FAT4: variants seen among roughly 807,000 people sequenced by gnomAD.
The protein encoded by FAT4 is protocadherin Fat 4.
A neutral mutation model predicts 303.9 loss-of-function variants in FAT4; 84 were observed. That is an observed-to-expected ratio of 0.28 (90% CI 0.23 to 0.33). FAT4 has a LOEUF of 0.33. Ranked by LOEUF, FAT4 falls within the 10% of genes least tolerant of loss-of-function variation. The probability of loss-of-function intolerance (pLI) is 1.00; values close to 1 mark genes in which losing one functional copy is unlikely to be tolerated. For missense variants in FAT4, 6,005 were observed against 6,146.8 expected (o/e 0.98, Z 0.77); for synonymous variants, 2,307 against 2,298.8 (o/e 1.00, Z -0.10).
intron 2 of FAT4, among the ~76,000 whole-genome samples, chr4:125,363,258 G>C (rs1472036651): frequency 6.6e-6 from 1 of 151,476 alleles, no homozygotes; most frequent in Non-Finnish European, 1.5e-5. Context: ...AATGAAATTG[G>C]GTGCTTATAT....
chr4:125,456,258 C>T lies in FAT4; in HGVS notation c.11800+3448C>T, dbSNP rs116746283. The stretch of plus-strand genomic sequence containing the variant: ...TGTTTTACACTGTAGGAAATTGAGC[C>T]TACAGTCTGGTGACTCCAGGGCCAG... On this transcript the variant is annotated intron_variant, in intron 10 of 17. Transcript: ENST00000394329. Among the ~76,000 whole-genome samples the T allele has an allele frequency of 7.0e-3, 1,070 of 152,178 alleles. 10 individuals carry two copies. The highest frequency in any genetic ancestry group is 0.023 in the African/African-American group (936 of 41,524).
chr4:125,325,287 CA>C (rs1731109900), intron 2 of FAT4, among the ~76,000 whole-genome samples: 1 of 151,964 alleles, frequency 6.6e-6, no homozygotes, highest in Admixed American at 6.6e-5. Context: ...TTGATCATTT[CA>C]AAATTATTGG....
intron 2 of FAT4, among the ~76,000 whole-genome samples, chr4:125,392,562 T>C (rs1436307193): frequency 6.6e-6 from 1 of 152,200 alleles, no homozygotes; most frequent in Non-Finnish European, 1.5e-5. Context: ...CTTTCACTGA[T>C]ATTTACAGAG....
chr4:125,325,334 A>G (rs1013724762), intron 2 of FAT4, among the ~76,000 whole-genome samples: 1 of 152,168 alleles, frequency 6.6e-6, no homozygotes, highest in Non-Finnish European at 1.5e-5. Context: ...AAAGTCTTTA[A>G]TATATGACTC....
rs75310615 is a variant in FAT4, at chr4:125,404,755, C to T, written c.5308-2125C>T. Among the ~76,000 whole-genome samples the T allele has an allele frequency of 9.9e-3, 1,510 of 152,130 alleles. 11 individuals carry two copies. The highest frequency in any genetic ancestry group is 0.017 in the Middle Eastern group (5 of 294). On this transcript the variant is annotated intron_variant, in intron 3 of 17. Transcript: ENST00000394329. ...CTCCCTACTGTCTGTCCTGGAAAACCACCATTCTACTCCCTGCTTCTATGT... is the reference window on the plus strand; with the variant it reads ...CTCCCTACTGTCTGTCCTGGAAAACTACCATTCTACTCCCTGCTTCTATGT...
At chr4:125,419,442 C>T (rs1250324339) in intron 7 of FAT4, among the ~76,000 whole-genome samples, 1 of 152,180 alleles carries the variant, frequency 6.6e-6, no homozygotes, top group Non-Finnish European at 1.5e-5. Flanking sequence ...CTTTTCTTTA[C>T]CTCCAAAACG....
chr4:125,376,179 G>A lies in FAT4; in HGVS notation c.5176-22605G>A, dbSNP rs151157885. Among the ~76,000 whole-genome samples, 212 of 152,282 alleles carry A rather than the reference G, an allele frequency of 1.4e-3. 2 individuals are homozygous for A. Among genetic ancestry groups the A allele is most frequent in the African/African-American group, 4.8e-3 (199 of 41,560 alleles). ...TGTGTAAGAATTATACACCTACAAA[G>A]ATTTTACCAAGTTTATATTTTTACA... On this transcript the variant is annotated intron_variant, in intron 2 of 17. Coordinates refer to ENST00000394329, the MANE Select transcript of FAT4 (RefSeq NM_001291303.3).
rs1186395106 is a variant in FAT4, at chr4:125,347,612, TA to T, written c.5175+26031del. The stretch of plus-strand genomic sequence containing the variant: ...ATAAAGCATAAATATAAATCATAAA[TA>T]AAAATTACTAATAAATTACAATTTG... On this transcript the variant is annotated intron_variant, in intron 2 of 17. Coordinates refer to ENST00000394329, the MANE Select transcript of FAT4 (RefSeq NM_001291303.3). 2.6e-5 allele frequency among the ~76,000 whole-genome samples: 4 copies of T among 151,710 alleles called. No homozygotes were observed. The East Asian group carries it at 7.7e-4, about 29-fold the overall frequency.
chr4:125,456,723 G>T (rs1471866070), intron 10 of FAT4, among the ~76,000 whole-genome samples: 3 of 152,106 alleles, frequency 2.0e-5, no homozygotes, highest in Non-Finnish European at 2.9e-5. Flanking sequence ...CTGCCAGATA[G>T]CCTGGCTCAG....
chr4:125,488,970 A>G (rs542518495), intron 17 of FAT4, among the ~76,000 whole-genome samples: 5 of 152,330 alleles, frequency 3.3e-5, no homozygotes, highest in Admixed American at 3.3e-4. Context: ...AGGAACAAAA[A>G]GAAAAGATGT....
intron 10 of FAT4, among the ~76,000 whole-genome samples, chr4:125,453,516 G>A (rs960782529): frequency 6.6e-6 from 1 of 152,098 alleles, no homozygotes; most frequent in African/African-American, 2.4e-5. Flanking sequence ...AGACCATCCT[G>A]GCCAACATGT....
rs760161531 is a variant in FAT4, at chr4:125,318,469, C to A, written c.2058C>A (p.Ser686Arg). The A allele has an allele frequency of 1.2e-6, 2 of 1,614,062 alleles. No homozygotes were observed. The highest frequency in any genetic ancestry group is 1.3e-5 in the African/African-American group (1 of 74,928). Residue 686 changes from serine to arginine, a missense_variant, in exon 2 of 18, where the codon AGC (serine) becomes AGA (arginine). Physicochemically the swap from Ser to Arg is moderately radical, Grantham distance 110. Transcript: ENST00000394329. Reference sequence around the variant, plus strand: ...GTCTTCTGGATATAAATGATAACAGCCCTGTCTTCTACCCGGTCCAATACT... The same window carrying A: ...GTCTTCTGGATATAAATGATAACAGACCTGTCTTCTACCCGGTCCAATACT... ...NVSLLDINDN[S>R]PVFYPVQYFA...
intron 16 of FAT4, among the ~76,000 whole-genome samples, chr4:125,483,241 G>T (rs1487094597): frequency 6.6e-6 from 1 of 152,032 alleles, no homozygotes; most frequent in Admixed American, 6.5e-5. Flanking sequence ...TTATTATCTG[G>T]TACTTATAAT....
chr4:125,415,765 G>A lies in FAT4; in HGVS notation c.6802G>A (p.Val2268Ile). 1 of 1,613,682 alleles carries A rather than the reference G, an allele frequency of 6.2e-7. No individual in the cohort carries two copies. Among genetic ancestry groups the A allele is most frequent in the South Asian group, 1.1e-5 (1 of 91,056 alleles). Residue 2268 changes from valine to isoleucine, a missense_variant, in exon 6 of 18, where the codon GTC (valine) becomes ATC (isoleucine). By Grantham distance (29) the Val-to-Ile change is conservative. Coordinates refer to ENST00000394329, the MANE Select transcript of FAT4 (RefSeq NM_001291303.3). ...TGAGCTATCTCCATATTCTGTAAAT[G>A]TCCCTGAGAATTTAGGGACACTACC... ...VFELSPYSVN[V>I]PENLGTLPRT...
At chr4:125,465,260 A>G (rs1375985562) in intron 11 of FAT4, among the ~76,000 whole-genome samples, 1 of 152,200 alleles carries the variant, frequency 6.6e-6, no homozygotes, top group Non-Finnish European at 1.5e-5. Context: ...TTGAAATTCT[A>G]ACAATGCCTG....
At chr4:125,409,077 A>G (rs1208513124) in intron 5 of FAT4, among the ~76,000 whole-genome samples, 4 of 152,082 alleles carry the variant, frequency 2.6e-5, no homozygotes, top group Non-Finnish European at 5.9e-5. Flanking sequence ...GCAATGTAGA[A>G]GTCATAAGAC....
At chr4:125,397,804 C>T (rs562382623) in intron 2 of FAT4, among the ~76,000 whole-genome samples, 1 of 152,270 alleles carries the variant, frequency 6.6e-6, no homozygotes, top group East Asian at 1.9e-4. Flanking sequence ...CTCCCCACTT[C>T]CTTCAGATTC....
intron 2 of FAT4, among the ~76,000 whole-genome samples, chr4:125,396,832 G>A (rs1278589638): frequency 6.6e-6 from 1 of 151,320 alleles, no homozygotes; most frequent in East Asian, 1.9e-4. Flanking sequence ...TAAGGACTAT[G>A]CATATATATG....
intron 2 of FAT4, among the ~76,000 whole-genome samples, chr4:125,344,031 T>TGCTAGGTAA (rs1294916339): frequency 2.0e-5 from 3 of 152,138 alleles, no homozygotes; most frequent in African/African-American, 7.2e-5. Context: ...AGAGAGCCTT[T>TGCTAGGTAA]ATTGCTAGGT....
Sources: allele counts gnomAD v4.1 joint callset (sites outside exome capture counted in the v4.1 genomes callset), GRCh38; gene constraint gnomAD v4.1.1; transcripts MANE v1.5; gene names NCBI Gene and HGNC (gene_info 2026-07-23, HGNC 2026-07-21).